ADAMTS20: variants seen among roughly 807,000 people sequenced by gnomAD.
ADAMTS20 encodes the protein ADAM metallopeptidase with thrombospondin type 1 motif 20.
Under a neutral mutation model 260.1 loss-of-function variants are expected in ADAMTS20, and 225 were observed. The ratio of observed to expected loss-of-function variants is 0.87; its 90% CI spans 0.78 to 0.97. The LOEUF (loss-of-function observed/expected upper bound fraction) is 0.97. Among genes scored for constraint, ADAMTS20 ranks in the 50% least tolerant of loss-of-function variants. The probability of loss-of-function intolerance (pLI) is 0.00; values close to 1 mark genes in which losing one functional copy is unlikely to be tolerated. For synonymous variants in ADAMTS20, 802 were observed against 769.5 expected (o/e 1.04, Z -0.70); for missense variants, 2,400 against 2,337.7 (o/e 1.03, Z -0.55).
chr12:43,374,923 C>A (rs1267254156), intron 36 of ADAMTS20, among the ~76,000 whole-genome samples: 1 of 152,140 alleles, frequency 6.6e-6, no homozygotes, highest in Admixed American at 6.5e-5. Context: ...GTAATCCCAG[C>A]ACTTTGGGAG....
chr12:43,500,210 G>A (rs765338528), intron 4 of ADAMTS20, among the ~76,000 whole-genome samples: 7 of 151,974 alleles, frequency 4.6e-5, no homozygotes, highest in Non-Finnish European at 8.8e-5. Flanking sequence ...TGTATTTTTA[G>A]TAGAGACATG....
chr12:43,481,062 A>C lies in ADAMTS20; in HGVS notation c.1117+9333T>G, dbSNP rs182887965. On this transcript the variant is annotated intron_variant, in intron 7 of 38. Transcript: ENST00000389420. ...TATCAAAACACTACATTTTACCCCCAAAAATGTATATAATTATGATTTGTC... is the reference window on the plus strand; with the variant it reads ...TATCAAAACACTACATTTTACCCCCCAAAATGTATATAATTATGATTTGTC... Among the ~76,000 whole-genome samples the C allele has an allele frequency of 2.4e-3, 362 of 152,280 alleles. 2 individuals carry two copies. Among genetic ancestry groups the C allele is most frequent in the African/African-American group, 7.9e-3 (328 of 41,566 alleles).
intron 2 of ADAMTS20, among the ~76,000 whole-genome samples, chr12:43,549,519 A>G (rs1214702559): frequency 6.6e-6 from 1 of 152,204 alleles, no homozygotes; most frequent in Non-Finnish European, 1.5e-5. Context: ...AAATGAGCAG[A>G]AACAGCATTC....
intron 28 of ADAMTS20, among the ~76,000 whole-genome samples, chr12:43,419,211 G>A (rs1400319784): frequency 6.6e-6 from 1 of 151,904 alleles, no homozygotes; most frequent in Non-Finnish European, 1.5e-5. Context: ...GTTTATGTGT[G>A]CAATGTATGA....
intron 19 of ADAMTS20, among the ~76,000 whole-genome samples, chr12:43,433,216 G>A (rs79217177): frequency 0.024 from 3,711 of 152,194 alleles, 73 homozygotes; most frequent in East Asian, 0.08. Context: ...TAAAAATAAA[G>A]CATTTAAAAA....
intron 16 of ADAMTS20, 133 bp from the exon 17 acceptor site, chr12:43,440,202 G>A (rs554422048): frequency 1.5e-5 from 10 of 668,358 alleles, no homozygotes; most frequent in Non-Finnish European, 2.4e-5. Context: ...GGAGTACAGT[G>A]GCACAATATT....
intron 11 of ADAMTS20, among the ~76,000 whole-genome samples, chr12:43,458,992 G>T (rs1224080037): frequency 1.3e-5 from 2 of 152,188 alleles, no homozygotes; most frequent in East Asian, 3.9e-4. Flanking sequence ...TATCACCTGA[G>T]AGCACAGCAG....
rs73286749 is a variant in ADAMTS20, at chr12:43,443,232, C to G, written c.2290+559G>C. On this transcript the variant is annotated intron_variant, in intron 16 of 38. Transcript: ENST00000389420. ...TGTGTCTAAAGTGAAATTCTTTAAGCCTGAAAGCTAATTTCTAAAAATAAA... is the reference window on the plus strand; with the variant it reads ...TGTGTCTAAAGTGAAATTCTTTAAGGCTGAAAGCTAATTTCTAAAAATAAA... 6.3e-3 allele frequency among the ~76,000 whole-genome samples: 957 copies of G among 152,132 alleles called. 11 individuals are homozygous for G. Among genetic ancestry groups the G allele is most frequent in the African/African-American group, 0.022 (921 of 41,478 alleles).
intron 4 of ADAMTS20, among the ~76,000 whole-genome samples, chr12:43,498,297 G>A (rs1942705399): frequency 6.6e-6 from 1 of 152,130 alleles, no homozygotes; most frequent in Admixed American, 6.6e-5. Context: ...TCGTTAAATT[G>A]TTGAAAGCAA....
intron 29 of ADAMTS20, among the ~76,000 whole-genome samples, chr12:43,397,395 T>C (rs1352336869): frequency 6.6e-6 from 1 of 152,216 alleles, no homozygotes; most frequent in East Asian, 1.9e-4. Context: ...TGAGTTCTTC[T>C]GAGCTCACAC....
intron 2 of ADAMTS20, among the ~76,000 whole-genome samples, chr12:43,541,232 TC>T (rs1217205701): frequency 6.6e-6 from 1 of 152,148 alleles, no homozygotes; most frequent in African/African-American, 2.4e-5. Flanking sequence ...ATCATAAGAA[TC>T]AGTATGATGA....
chr12:43,519,689 G>A (rs1943045795), intron 3 of ADAMTS20, among the ~76,000 whole-genome samples: 1 of 152,060 alleles, frequency 6.6e-6, no homozygotes, highest in South Asian at 2.1e-4. Context: ...CTACCCCATG[G>A]TAAGAAACTT....
At chr12:43,429,478 T>A (rs1326820077) in intron 24 of ADAMTS20, 139 bp downstream of exon 24, 2 of 596,612 alleles carry the variant, frequency 3.4e-6, no homozygotes, top group African/African-American at 3.8e-5. Flanking sequence ...AATTCCTAAT[T>A]CTAAACCCTA....
At chr12:43,384,041 C>T in intron 29 of ADAMTS20, 64 bp from the exon 30 acceptor site, 1 of 1,415,826 alleles carries the variant, frequency 7.1e-7, no homozygotes, top group South Asian at 1.5e-5. Flanking sequence ...TAAAAGTAGC[C>T]AATGGAGCCA....
At chr12:43,410,435 A>G (rs1238396121) in intron 28 of ADAMTS20, among the ~76,000 whole-genome samples, 1 of 152,256 alleles carries the variant, frequency 6.6e-6, no homozygotes, top group Non-Finnish European at 1.5e-5. Flanking sequence ...AAAACAAGGC[A>G]ATCCTCCCTA....
In ADAMTS20 at chr12:43,468,588, G is replaced by T. The variant is rs781214476; in HGVS notation, c.1223+12C>A. On this transcript the variant is annotated intron_variant, in intron 8 of 38. Transcript: ENST00000389420. ...TAGAATGCACATTAAGGAGGTGACA[G>T]AAGGTACTTACGTGTGCCCAAGCTC... The T allele has an allele frequency of 4.1e-5, 62 of 1,521,340 alleles. No individual in the cohort carries two copies. The highest frequency in any genetic ancestry group is 5.3e-5 in the Non-Finnish European group (59 of 1,105,002). The allele number at this position is 1,521,340 out of a possible 1,614,324, so 94.2% of individuals were successfully genotyped here.
chr12:43,424,641 C>G (rs926576602), intron 28 of ADAMTS20, among the ~76,000 whole-genome samples: 53 of 152,028 alleles, frequency 3.5e-4, no homozygotes, highest in African/African-American at 1.2e-3. Flanking sequence ...GAAAGCCACA[C>G]ATAATTATAT....
chr12:43,513,941 A>G (rs1298763715), intron 3 of ADAMTS20, among the ~76,000 whole-genome samples: 1 of 151,370 alleles, frequency 6.6e-6, no homozygotes, highest in Non-Finnish European at 1.5e-5. Flanking sequence ...GGATAGCATT[A>G]GGAGATATAC....
chr12:43,459,926 T>C (rs895638825), intron 11 of ADAMTS20, among the ~76,000 whole-genome samples: 10 of 152,320 alleles, frequency 6.6e-5, no homozygotes, highest in Admixed American at 5.2e-4. Flanking sequence ...GTAGTAAAAT[T>C]AACTCATTAT....
Sources: allele counts gnomAD v4.1 joint callset (sites outside exome capture counted in the v4.1 genomes callset), GRCh38; gene constraint gnomAD v4.1.1; transcripts MANE v1.5; gene names NCBI Gene and HGNC (gene_info 2026-07-23, HGNC 2026-07-21).